ALDH7A1: variants seen among roughly 807,000 people sequenced by gnomAD.
ALDH7A1 encodes alpha-aminoadipic semialdehyde dehydrogenase.
In ALDH7A1, 63 loss-of-function variants were observed where a neutral mutation model predicts 79.9. That is an observed-to-expected ratio of 0.79 (90% CI 0.64 to 0.97). ALDH7A1 has a LOEUF of 0.97. Among genes scored for constraint, ALDH7A1 ranks in the 50% least tolerant of loss-of-function variants. The pLI, the probability that ALDH7A1 is intolerant of heterozygous loss-of-function variation, is 0.00. For missense variants in ALDH7A1, 627 were observed against 665.2 expected, an observed-to-expected ratio of 0.94 and a Z score of 0.63; for synonymous variants, 240 against 231.2, an observed-to-expected ratio of 1.04 and a Z score of -0.34.
chr5:126,593,041 C>T (rs547017096), intron 2 of ALDH7A1, among the ~76,000 whole-genome samples: 1 of 152,298 alleles, frequency 6.6e-6, no homozygotes, highest in South Asian at 2.1e-4. Flanking sequence ...TCAGAAGCTT[C>T]ATTCTAACAA....
rs1175630841 is a variant in ALDH7A1, at chr5:126,542,359, A to ATGCCACAGAGAATT, written c.*2592_*2605dup. The ATGCCACAGAGAATT allele has an allele frequency of 6.6e-6, 1 of 152,298 alleles. No individual in the cohort carries two copies. The highest frequency in any genetic ancestry group is 6.6e-5 in the Admixed American group (1 of 15,266). The allele number at this position is 152,298 out of a possible 1,614,324, so 9.4% of individuals were successfully genotyped here. ...CCCTTCAGCATTTTCAGGAGACAGA[A>ATGCCACAGAGAATT]TGCCACAGAGAATTTTCCACAGAGC... On this transcript the variant is annotated 3_prime_UTR_variant, in exon 18 of 18. Coordinates refer to ENST00000409134, the MANE Select transcript of ALDH7A1 (RefSeq NM_001182.5).
At position 126,594,438 on chromosome 5, in the gene ALDH7A1, ATTTTTTTTTT is replaced by A. The variant is rs34684581; in HGVS notation, c.192+559_192+568del. On this transcript the variant is annotated intron_variant, in intron 1 of 17. Coordinates refer to ENST00000409134, the MANE Select transcript of ALDH7A1 (RefSeq NM_001182.5). The stretch of plus-strand genomic sequence containing the variant: ...TAGATCCCAAGACCATAAGGTTTTA[ATTTTTTTTTT>A]TTTTTTTTTTTTTGAGACGGAATTT... The A allele has an allele frequency of 1.2e-3, 219 of 185,660 alleles. 2 individuals carry two copies. Among genetic ancestry groups the A allele is most frequent in the South Asian group, 7.1e-3 (136 of 19,240 alleles). The allele number at this position is 185,660 out of a possible 1,614,324, so 11.5% of individuals were successfully genotyped here. A position where few individuals can be genotyped will look rare whatever the true frequency, so the allele number is the denominator to read the frequency against.
At chr5:126,594,077 T>C (rs558049318) in intron 1 of ALDH7A1, 1 of 369,870 alleles carries the variant, frequency 2.7e-6, no homozygotes, top group South Asian at 2.1e-5. Flanking sequence ...AACTTTCTTT[T>C]AAAAAAAAAT....
At chr5:126,584,082 GTGTGC>G in intron 3 of ALDH7A1, 70 bp from the exon 4 acceptor site, 2 of 1,274,360 alleles carry the variant, frequency 1.6e-6, no homozygotes. Context: ...AGTATTGGAT[GTGTGC>G]TGTAAAAGAA....
At chr5:126,579,634 C>T (rs566788587) in intron 5 of ALDH7A1, among the ~76,000 whole-genome samples, 3 of 147,786 alleles carry the variant, frequency 2.0e-5, no homozygotes, top group African/African-American at 5.3e-5. Context: ...AAAGTCTCTA[C>T]ATAAATGAGT....
intron 3 of ALDH7A1, among the ~76,000 whole-genome samples, chr5:126,591,741 G>A (rs746492285): frequency 6.6e-6 from 1 of 152,064 alleles, no homozygotes; most frequent in Non-Finnish European, 1.5e-5. Context: ...CCCCTTCTCA[G>A]GAGCCTAGCT....
intron 16 of ALDH7A1, among the ~76,000 whole-genome samples, chr5:126,546,651 TA>T (rs10630162): frequency 1.2e-3 from 177 of 142,554 alleles, no homozygotes; most frequent in Admixed American, 2.1e-3. Flanking sequence ...AAAGAAACGG[TA>T]AAAAAAAAAA....
At chr5:126,586,505 T>G (rs1030619117) in intron 3 of ALDH7A1, 4 of 152,236 alleles carry the variant, frequency 2.6e-5, no homozygotes, top group Non-Finnish European at 5.9e-5. Context: ...GATATTCTAC[T>G]GCAAATGAGG....
intron 3 of ALDH7A1, among the ~76,000 whole-genome samples, 190 bp from the exon 4 acceptor site, chr5:126,584,202 T>C (rs1218927650): frequency 6.6e-6 from 1 of 152,162 alleles, no homozygotes; most frequent in Non-Finnish European, 1.5e-5. Context: ...AGCAAATATC[T>C]ACTGGAAGGC....
intron 5 of ALDH7A1, among the ~76,000 whole-genome samples, chr5:126,579,760 C>A (rs1057234741): frequency 6.6e-6 from 1 of 152,246 alleles, no homozygotes; most frequent in African/African-American, 2.4e-5. Flanking sequence ...GAGTTCTAGA[C>A]CAGCCTAGGC....
At chr5:126,589,817 G>T (rs1751483865) in intron 3 of ALDH7A1, among the ~76,000 whole-genome samples, 1 of 150,172 alleles carries the variant, frequency 6.7e-6, no homozygotes, top group South Asian at 2.1e-4. Context: ...CATCTGGGAA[G>T]TGAGGAGGAC....
At position 126,554,296 on chromosome 5, in the gene ALDH7A1, A is replaced by C. The variant is rs1412468428; in HGVS notation, c.1191T>G (p.Tyr397Ter). 1 of 1,613,942 alleles carries C rather than the reference A, an allele frequency of 6.2e-7. No homozygotes were observed. Among genetic ancestry groups the C allele is most frequent in the South Asian group, 1.1e-5 (1 of 91,066 alleles). ...TCAGAGCATCCCTTACCTTGCCCCC[A>C]TAGACCACTGTGCCACCTTCTTTCT... ...EAKKEGGTVVYGGKVMDRPGN... is the reference protein window; with the variant it reads ...EAKKEGGTVV The change falls in exon 13 of 18, where the codon TAT (tyrosine) becomes TAG (stop). Residue 397 changes from tyrosine (Y) to a stop codon, truncating the protein, a stop_gained. Transcript: ENST00000409134. LOFTEE classifies it high-confidence loss of function.
rs185127630 is a variant in ALDH7A1, at chr5:126,590,122, C to T, written c.312+2542G>A. On this transcript the variant is annotated intron_variant, in intron 3 of 17. Transcript: ENST00000409134. Reference sequence around the variant, plus strand: ...GAGCACCTCTGCCCAGCTGCCACCCCGTCTGGAAAGTGAAGAGCGCCTCTG... The same window carrying T: ...GAGCACCTCTGCCCAGCTGCCACCCTGTCTGGAAAGTGAAGAGCGCCTCTG... 1.8e-3 allele frequency among the ~76,000 whole-genome samples: 277 copies of T among 150,846 alleles called. 1 individual carries two copies. The highest frequency in any genetic ancestry group is 6.5e-3 in the African/African-American group (265 of 40,994).
Position 126,559,182 on chromosome 5 carries a change from C to T in ALDH7A1, c.1008+58G>A, listed in dbSNP as rs1750306015. ...TGCTGACACCTCTCTAACAGCAGAA[C>T]TCATTAAAAAGTAGTGTTTTAAGAG... is the stretch of plus-strand genomic sequence containing the variant. On this transcript the variant is annotated intron_variant, in intron 11 of 17. Transcript: ENST00000409134. The T allele has an allele frequency of 1.5e-5, 21 of 1,426,872 alleles. No individual in the cohort carries two copies. The South Asian group carries it at 2.3e-4, about 16-fold the overall frequency. The allele number at this position is 1,426,872 out of a possible 1,614,324, so 88.4% of individuals were successfully genotyped here. A position where few individuals can be genotyped will look rare whatever the true frequency, so the allele number is the denominator to read the frequency against.
At chr5:126,575,936 G>A (rs1750949455) in intron 6 of ALDH7A1, among the ~76,000 whole-genome samples, 1 of 152,120 alleles carries the variant, frequency 6.6e-6, no homozygotes. Context: ...AAACCATGTC[G>A]GTCAGAAAAT....
rs753508557 is a variant in ALDH7A1, at chr5:126,552,142, T to G, written c.1201-5A>C. On this transcript the variant is annotated splice_region_variant and splice_polypyrimidine_tract_variant and intron_variant, in intron 13 of 17. Transcript: ENST00000409134. ...ATTTCCAGGGCGATCCATAACCTAA[T>G]GCAGAGAAATGAAATAAAAAGAATG... 1.2e-6 allele frequency: 2 copies of G among 1,608,590 alleles called. No homozygotes were observed. Among genetic ancestry groups the G allele is most frequent in the Non-Finnish European group, 1.7e-6 (2 of 1,175,054 alleles).
chr5:126,543,780 G>C lies in ALDH7A1; in HGVS notation c.*1185C>G, dbSNP rs1290679995. On this transcript the variant is annotated 3_prime_UTR_variant, in exon 18 of 18. Transcript: ENST00000409134. ...GCCTCTGGGCTGAACCAGCCCAAAG[G>C]CTCCTGTGCAGCTTCCCAGTGAGAA... 6.6e-6 allele frequency: 1 copy of C among 152,084 alleles called. No individual in the cohort carries two copies. The highest frequency in any genetic ancestry group is 1.5e-5 in the Non-Finnish European group (1 of 68,032). The allele number at this position is 152,084 out of a possible 1,614,324, so 9.4% of individuals were successfully genotyped here.
intron 3 of ALDH7A1, among the ~76,000 whole-genome samples, chr5:126,591,105 C>G (rs540419639): frequency 1.3e-5 from 2 of 152,016 alleles, no homozygotes; most frequent in South Asian, 4.2e-4. Context: ...ATCTTATTTA[C>G]AGCATCAATC....
At chr5:126,594,630 G>C (rs1031701813) in intron 1 of ALDH7A1, among the ~76,000 whole-genome samples, 7 of 151,542 alleles carry the variant, frequency 4.6e-5, no homozygotes, top group East Asian at 1.9e-4. Context: ...TTTTTTAGTA[G>C]AGACAAGGTT....
Sources: gnomAD v4.1 joint callset for allele counts (sites outside exome capture counted in the v4.1 genomes callset) on GRCh38, gnomAD v4.1.1 for gene constraint, MANE v1.5 for transcripts, NCBI Gene and HGNC (gene_info 2026-07-23, HGNC 2026-07-21) for gene names.